Variants in FAT3 observed in about 807,000 individuals in gnomAD.
The protein encoded by FAT3 is protocadherin Fat 3.
FAT3 carries 95 observed loss-of-function variants against 310.2 expected under a neutral mutation model. The observed-to-expected ratio is 0.31, with a 90% CI of 0.26 to 0.36. FAT3 has a LOEUF of 0.36. FAT3 is among the 10% of genes least tolerant of loss of function. The pLI, the probability that FAT3 is intolerant of heterozygous loss-of-function variation, is 1.00. For synonymous variants in FAT3, 2,314 were observed against 2,192.9 expected, an observed-to-expected ratio of 1.06 and a Z score of -1.54; for missense variants, 5,408 against 5,715.6, an observed-to-expected ratio of 0.95 and a Z score of 1.74.
intron 1 of FAT3, among the ~76,000 whole-genome samples, chr11:92,306,767 A>G (rs3132756): frequency 0.019 from 2,523 of 130,226 alleles, 30 homozygotes; most frequent in Middle Eastern, 0.026. Context: ...ATATATATAA[A>G]TAAATTATAT....
rs1947622188 is a variant in FAT3, at chr11:92,809,925, C to T, written c.9330C>T (p.Gly3110=). 1 of 1,614,000 alleles carries T rather than the reference C, an allele frequency of 6.2e-7. No individual in the cohort carries two copies. Among genetic ancestry groups the T allele is most frequent in the Admixed American group, 1.7e-5 (1 of 60,028 alleles). ...SLMAKATDGG[G]RFCQSNIHLI... ...TGGCCAAGGCCACTGACGGGGGTGG[C>T]AGGTTCTGCCAGTCCAACATCCACC... Residue 3110 remains glycine, a synonymous_variant, in exon 13 of 28, where the codon GGC becomes GGT. Coordinates refer to ENST00000525166, the MANE Select transcript of FAT3 (RefSeq NM_001367949.2).
chr11:92,673,934 A>G (rs184295646), intron 3 of FAT3, among the ~76,000 whole-genome samples: 1 of 152,136 alleles, frequency 6.6e-6, no homozygotes, highest in African/African-American at 2.4e-5. Context: ...TAATCCTAGC[A>G]TTTTGGAAGG....
intron 2 of FAT3, among the ~76,000 whole-genome samples, chr11:92,434,433 T>G (rs537154511): frequency 6.6e-6 from 1 of 152,282 alleles, no homozygotes; most frequent in African/African-American, 2.4e-5. Flanking sequence ...ATCCTCAGAT[T>G]GCCATATTTC....
intron 1 of FAT3, among the ~76,000 whole-genome samples, chr11:92,342,599 T>C (rs186827170): frequency 5.3e-5 from 8 of 152,236 alleles, no homozygotes; most frequent in Non-Finnish European, 8.8e-5. Flanking sequence ...CTGAACTACA[T>C]TTTGCCCCCC....
rs574467632 is a variant in FAT3 at position 92,290,249 on chromosome 11, C to T, written c.-17-61847C>T. 6.2e-4 allele frequency among the ~76,000 whole-genome samples: 94 copies of T among 152,156 alleles called. No homozygotes were observed. The Middle Eastern group carries it at 0.014, about 22-fold the overall frequency. Reference sequence around the variant, plus strand: ...TTGCATCATTTGACTTTATATATTACGGTTATTTTCTTTCTTTTCAGTCTC... The same window carrying T: ...TTGCATCATTTGACTTTATATATTATGGTTATTTTCTTTCTTTTCAGTCTC... On this transcript the variant is annotated intron_variant, in intron 1 of 27. Transcript: ENST00000525166.
At chr11:92,370,407 T>C (rs1295080845) in intron 2 of FAT3, among the ~76,000 whole-genome samples, 1 of 152,190 alleles carries the variant, frequency 6.6e-6, no homozygotes, top group Non-Finnish European at 1.5e-5. Flanking sequence ...GCTGTGAAGA[T>C]GGAAAGTAAG....
intron 2 of FAT3, among the ~76,000 whole-genome samples, chr11:92,489,662 A>G (rs1453636156): frequency 6.6e-6 from 1 of 152,114 alleles, no homozygotes; most frequent in African/African-American, 2.4e-5. Flanking sequence ...CCAAATTTAT[A>G]ACACCTACCA....
At chr11:92,654,887 ATATCC>A (rs1942523939) in intron 3 of FAT3, among the ~76,000 whole-genome samples, 1 of 152,158 alleles carries the variant, frequency 6.6e-6, no homozygotes, top group Non-Finnish European at 1.5e-5. Flanking sequence ...AAGTTCCATA[ATATCC>A]TACATGACCT....
At chr11:92,682,440 C>T (rs1943506916) in intron 3 of FAT3, among the ~76,000 whole-genome samples, 1 of 152,178 alleles carries the variant, frequency 6.6e-6, no homozygotes, top group African/African-American at 2.4e-5. Flanking sequence ...TGGAGCTAAG[C>T]ATTGTTTGAA....
chr11:92,853,461 C>T (rs979634981), intron 19 of FAT3, among the ~76,000 whole-genome samples: 2 of 152,200 alleles, frequency 1.3e-5, no homozygotes, highest in Non-Finnish European at 2.9e-5. Flanking sequence ...TCTTGTCGCC[C>T]GCAATGTGGA....
At chr11:92,363,646 T>G in intron 2 of FAT3, among the ~76,000 whole-genome samples, 1 of 151,762 alleles carries the variant, frequency 6.6e-6, no homozygotes, top group East Asian at 1.9e-4. Context: ...TGAGATGATA[T>G]TTTTACTCTC....
intron 4 of FAT3, among the ~76,000 whole-genome samples, chr11:92,746,532 C>T (rs952134209): frequency 3.9e-5 from 6 of 152,166 alleles, no homozygotes; most frequent in Non-Finnish European, 7.3e-5. Context: ...CTTCTGGGCC[C>T]TCCCAAATCT....
intron 3 of FAT3, among the ~76,000 whole-genome samples, chr11:92,666,455 C>T (rs1256371118): frequency 6.6e-6 from 1 of 151,410 alleles, no homozygotes; most frequent in Non-Finnish European, 1.5e-5. Flanking sequence ...GGGTTCACGC[C>T]ATTCTCCTGC....
intron 3 of FAT3, among the ~76,000 whole-genome samples, chr11:92,581,898 G>T (rs746795873): frequency 6.6e-6 from 1 of 152,036 alleles, no homozygotes; most frequent in African/African-American, 2.4e-5. Flanking sequence ...AGAATTTAGG[G>T]TGAGTCCATA....
chr11:92,303,106 G>A (rs1591077264), intron 1 of FAT3, among the ~76,000 whole-genome samples: 1 of 152,094 alleles, frequency 6.6e-6, no homozygotes, highest in Admixed American at 6.6e-5. Flanking sequence ...TGGATGTTTG[G>A]TTGATACAAT....
intron 19 of FAT3, among the ~76,000 whole-genome samples, 173 bp downstream of exon 19, chr11:92,844,905 G>A (rs1013497867): frequency 6.6e-5 from 10 of 152,236 alleles, no homozygotes; most frequent in African/African-American, 2.4e-4. Flanking sequence ...ACAGTCCCAT[G>A]TAGCTGTGCC....
At chr11:92,567,264 AG>A (rs1183901172) in intron 3 of FAT3, among the ~76,000 whole-genome samples, 2 of 129,170 alleles carry the variant, frequency 1.5e-5, no homozygotes, top group African/African-American at 6.1e-5. Flanking sequence ...ACATTTATGC[AG>A]CCAAAAAACA....
rs751825746 is a variant in FAT3 at position 92,719,720 on chromosome 11, CTGTGTGTGTGTGTGTGTGTG to C, written c.3669+22307_3669+22326del. Reference sequence around the variant, plus strand: ...ACCCATGGATACAGGAGAACCAACTCTGTGTGTGTGTGTGTGTGTGTGTGTGTGTGTGTGTGTGTGTGTGT... The same window carrying C: ...ACCCATGGATACAGGAGAACCAACTCTGTGTGTGTGTGTGTGTGTGTGTGT... On this transcript the variant is annotated intron_variant, in intron 4 of 27. Coordinates refer to ENST00000525166, the MANE Select transcript of FAT3 (RefSeq NM_001367949.2). Among the ~76,000 whole-genome samples the C allele has an allele frequency of 5.5e-4, 75 of 136,858 alleles. No homozygotes were observed. In the South Asian group the frequency reaches 5.8e-3, roughly 11 times the overall value. The allele number at this position is 136,858 out of a possible 152,430, so 89.8% of individuals were successfully genotyped here. A position where few individuals can be genotyped will look rare whatever the true frequency, so the allele number is the denominator to read the frequency against.
chr11:92,858,579 A>G (rs1949043221), intron 20 of FAT3, among the ~76,000 whole-genome samples: 1 of 152,230 alleles, frequency 6.6e-6, no homozygotes. Flanking sequence ...GAATTGAGCA[A>G]TCGAGTTGGA....
Sources: gnomAD v4.1 joint callset for allele counts (sites outside exome capture counted in the v4.1 genomes callset) on GRCh38, gnomAD v4.1.1 for gene constraint, MANE v1.5 for transcripts, NCBI Gene and HGNC (gene_info 2026-07-23, HGNC 2026-07-21) for gene names.